The following ADAM17 variants were observed in gnomAD, a reference collection of about 807,000 sequenced individuals.
ADAM17 encodes ADAM metallopeptidase domain 17, also known as disintegrin and metalloproteinase domain-containing protein 17.
A neutral mutation model predicts 96.7 loss-of-function variants in ADAM17; 39 were observed. That is an observed-to-expected ratio of 0.40 (90% CI 0.31 to 0.53). The LOEUF (loss-of-function observed/expected upper bound fraction) is 0.53. Among genes scored for constraint, ADAM17 ranks in the 20% least tolerant of loss-of-function variants. The probability of loss-of-function intolerance (pLI) is 0.44; values close to 1 mark genes in which losing one functional copy is unlikely to be tolerated. For synonymous variants in ADAM17, 344 were observed against 359.2 expected (o/e 0.96, Z 0.48); for missense variants, 777 against 1,013.2 (o/e 0.77, Z 3.17).
intron 13 of ADAM17, among the ~76,000 whole-genome samples, chr2:9,497,572 T>A (rs556395876): frequency 6.6e-6 from 1 of 152,234 alleles, no homozygotes; most frequent in African/African-American, 2.4e-5. Context: ...AAACTTTGTA[T>A]GAAGGCTTAA....
rs1422995482 is a variant in ADAM17, at chr2:9,494,706, G to A, written c.1845C>T (p.Val615=). 7 of 1,613,810 alleles carry A rather than the reference G, an allele frequency of 4.3e-6. No individual in the cohort carries two copies. Among genetic ancestry groups the A allele is most frequent in the African/African-American group, 2.7e-5 (2 of 74,846 alleles). The part of the protein sequence containing the change: ...RDLSGRCVPY[V]DAEQKNLFLR... Reference sequence around the variant, plus strand: ...AAAATAAGTTCTTTTGTTCAGCATCGACATAGGGCACACAGCGGCCAGAAA... The same window carrying A: ...AAAATAAGTTCTTTTGTTCAGCATCAACATAGGGCACACAGCGGCCAGAAA... Residue 615 remains valine, a synonymous_variant, in exon 15 of 19, where the codon GTC becomes GTT. Transcript: ENST00000310823.
Position 9,514,553 on chromosome 2 carries a change from AT to A in ADAM17, c.1191+3347del, listed in dbSNP as rs1450306204. ...TATATATATATATATATATATATAT[AT>A]ATATATATATATATAAATAAAAAGA... On this transcript the variant is annotated intron_variant, in intron 10 of 18. Transcript: ENST00000310823. 5.5e-5 allele frequency among the ~76,000 whole-genome samples: 6 copies of A among 109,436 alleles called. 1 individual carries two copies. The highest frequency in any genetic ancestry group is 9.3e-5 in the African/African-American group (3 of 32,408). The allele number at this position is 109,436 out of a possible 152,430, so 71.8% of individuals were successfully genotyped here. A position where few individuals can be genotyped will look rare whatever the true frequency, so the allele number is the denominator to read the frequency against.
rs1243852350 is a variant in ADAM17 at position 9,548,457 on chromosome 2, C to T, written c.98-5172G>A. ...AAACCAAGTAGAAACCACTAAAAGA[C>T]TCCTAGGTTGTGGCTCACTGTGATT... is the stretch of plus-strand genomic sequence containing the variant. On this transcript the variant is annotated intron_variant, in intron 1 of 18. Coordinates refer to ENST00000310823, the MANE Select transcript of ADAM17 (RefSeq NM_003183.6). 4.0e-5 allele frequency among the ~76,000 whole-genome samples: 6 copies of T among 150,938 alleles called. No homozygotes were observed. The South Asian group carries it at 1.3e-3, about 32-fold the overall frequency.
intron 2 of ADAM17, among the ~76,000 whole-genome samples, chr2:9,539,280 T>C (rs1446086374): frequency 6.6e-6 from 1 of 152,056 alleles, no homozygotes; most frequent in Non-Finnish European, 1.5e-5. Flanking sequence ...GCTAATTTTT[T>C]GTATTTTTAG....
In ADAM17 at chr2:9,543,238, T is replaced by C. The variant is rs1665286693; in HGVS notation, c.145A>G (p.Asn49Asp). 6.2e-7 allele frequency: 1 copy of C among 1,609,912 alleles called. No individual in the cohort carries two copies. The highest frequency in any genetic ancestry group is 8.5e-7 in the Non-Finnish European group (1 of 1,178,026). Residue 49 changes from asparagine to aspartate, a missense_variant, in exon 2 of 19, where the codon AAT (asparagine) becomes GAT (aspartate). Physicochemically the swap from Asn to Asp is conservative, Grantham distance 23 (BLOSUM62 1). Coordinates refer to ENST00000310823, the MANE Select transcript of ADAM17 (RefSeq NM_003183.6). ...TTTCTTACCGAATGCTGCTGGATATTAGATAAAGAGAGAATATCGTAGTCT... is the reference window on the plus strand; with the variant it reads ...TTTCTTACCGAATGCTGCTGGATATCAGATAAAGAGAGAATATCGTAGTCT... ...LSDYDILSLSNIQQHSVRKRD... is the reference protein window; with the variant it reads ...LSDYDILSLSDIQQHSVRKRD...
Position 9,543,187 on chromosome 2 carries a change from C to T in ADAM17, c.196G>A (p.Val66Ile), listed in dbSNP as rs1665283721. 6.2e-7 allele frequency: 1 copy of T among 1,605,124 alleles called. No individual in the cohort carries two copies. The highest frequency in any genetic ancestry group is 1.3e-5 in the African/African-American group (1 of 74,464). The change falls in exon 2 of 19, where the codon GTA becomes ATA. Residue 66 changes from valine (V) to isoleucine (I), a missense_variant. Transcript: ENST00000310823. Reference protein sequence around the residue: ...RKRDLQTSTHVETLLTFSALK... With the variant: ...RKRDLQTSTHIETLLTFSALK... ...GCTGAAAAAGTTAGTAGTGTTTCTA[C>T]ATGTGTTGAAGTCTGTAGATCTCTT...
Position 9,527,921 on chromosome 2 carries a change from T to C in ADAM17, c.484A>G (p.Lys162Glu), listed in dbSNP as rs34431503. Reference sequence around the variant, plus strand: ...TCAGATTTATAAACTAACATTCTTTTGTCTTTGGTATCATTAACAAATCTC... The same window carrying C: ...TCAGATTTATAAACTAACATTCTTTCGTCTTTGGTATCATTAACAAATCTC... ...LWRFVNDTKD[K>E]RMLVYKSEDI... is the part of the protein sequence containing the mutation. Residue 162 changes from lysine to glutamate, a missense_variant, in exon 5 of 19, where the codon AAA becomes GAA. Physicochemically the swap from Lys to Glu is moderately conservative, Grantham distance 56. Transcript: ENST00000310823. 6.1e-4 allele frequency: 964 copies of C among 1,583,630 alleles called. 4 individuals are homozygous for C. The African/African-American group carries it at 0.011, about 19-fold the overall frequency.
intron 1 of ADAM17, 50 bp downstream of exon 1, chr2:9,555,459 C>G (rs1156910905): frequency 1.1e-5 from 16 of 1,484,536 alleles, no homozygotes; most frequent in Non-Finnish European, 1.4e-5. Context: ...GCTCTTCCCT[C>G]AAACGAGCGC....
At chr2:9,495,784 G>A (rs149838074) in intron 14 of ADAM17, among the ~76,000 whole-genome samples, 2,128 of 150,932 alleles carry the variant, frequency 0.014, 17 homozygotes, top group Non-Finnish European at 0.022. Flanking sequence ...ACTGTGTCGG[G>A]CTCTGTCCTT....
At chr2:9,500,784 T>C (rs1662952460) in intron 13 of ADAM17, among the ~76,000 whole-genome samples, 3 of 152,218 alleles carry the variant, frequency 2.0e-5, no homozygotes, top group Admixed American at 1.3e-4. Flanking sequence ...GATATGTCCG[T>C]TTATATACCT....
rs1157021454 is a variant in ADAM17, at chr2:9,518,190, T to G, written c.1015A>C (p.Thr339Pro). ...GTTCCCATATCAAAATCTTGGTATG[T>G]GAAAAGGTGTGCCAAGCAAACTTTA... Reference protein sequence around the residue: ...ASKVCLAHLFTYQDFDMGTLG... With the variant: ...ASKVCLAHLFPYQDFDMGTLG... Residue 339 changes from threonine to proline, a missense_variant, in exon 9 of 19, where the codon ACA becomes CCA. Physicochemically the swap from Thr to Pro is conservative, Grantham distance 38. This residue lies in a region of ADAM17 where 446 missense variants were observed against 664.7 expected (regional missense o/e 0.67). Transcript: ENST00000310823. 1.9e-6 allele frequency: 3 copies of G among 1,592,694 alleles called. No homozygotes were observed. The highest frequency in any genetic ancestry group is 2.6e-6 in the Non-Finnish European group (3 of 1,175,284).
intron 8 of ADAM17, among the ~76,000 whole-genome samples, chr2:9,519,321 T>C (rs1664207717): frequency 6.6e-6 from 1 of 152,126 alleles, no homozygotes; most frequent in African/African-American, 2.4e-5. Context: ...CTAAGAATAT[T>C]CTAGGAGGCT....
chr2:9,523,143 T>C (rs530310484), intron 7 of ADAM17, 106 bp downstream of exon 7: 95 of 784,566 alleles, frequency 1.2e-4, no homozygotes, highest in Non-Finnish European at 1.7e-4. Context: ...CTGAGAAAAC[T>C]TATTTACAAT....
intron 8 of ADAM17, among the ~76,000 whole-genome samples, chr2:9,520,485 T>C (rs1008505007): frequency 5.3e-5 from 8 of 152,212 alleles, no homozygotes; most frequent in Non-Finnish European, 1.2e-4. Flanking sequence ...CTCCAATACA[T>C]GTTCATAACC....
At chr2:9,521,416 G>T in intron 7 of ADAM17, 100 bp from the exon 8 acceptor site, 1 of 859,742 alleles carries the variant, frequency 1.2e-6, no homozygotes, top group Non-Finnish European at 1.7e-6. Context: ...AATCGTTCTA[G>T]AAAAAAAACA....
chr2:9,518,907 T>C (rs950907884), intron 8 of ADAM17, among the ~76,000 whole-genome samples: 3 of 133,806 alleles, frequency 2.2e-5, no homozygotes, highest in African/African-American at 8.3e-5. Context: ...GGGGGGGGGG[T>C]TTGATTTATT....
Position 9,532,932 on chromosome 2 carries a change from T to C in ADAM17, c.450+2902A>G, listed in dbSNP as rs549072331. Among the ~76,000 whole-genome samples, 4 of 152,304 alleles carry C rather than the reference T, an allele frequency of 2.6e-5. No homozygotes were observed. The South Asian group carries it at 8.3e-4, about 32-fold the overall frequency. On this transcript the variant is annotated intron_variant, in intron 4 of 18. Transcript: ENST00000310823. ...CTAGCTGGGCGTGGTGGCTCATGCC[T>C]ATAATCTCAGCACTTTGGGAGGCCA...
intron 3 of ADAM17, 81 bp from the exon 4 acceptor site, chr2:9,536,003 T>C (rs1664946858): frequency 2.1e-6 from 2 of 955,990 alleles, no homozygotes; most frequent in African/African-American, 3.4e-5. Context: ...AAAAATTAAA[T>C]CCTTCAGGGT....
At chr2:9,528,507 G>A (rs191614615) in intron 4 of ADAM17, among the ~76,000 whole-genome samples, 6 of 152,110 alleles carry the variant, frequency 3.9e-5, no homozygotes, top group Non-Finnish European at 7.4e-5. Flanking sequence ...TTGTTTCAGC[G>A]AACGCAGTTT....
Sources: allele counts gnomAD v4.1 joint callset (sites outside exome capture counted in the v4.1 genomes callset), GRCh38; gene constraint gnomAD v4.1.1; regional missense constraint gnomAD v4.1.1; transcripts MANE v1.5; gene names NCBI Gene and HGNC (gene_info 2026-07-23, HGNC 2026-07-21).